The following NCALD variants were observed in gnomAD, a reference collection of about 807,000 sequenced individuals.
The protein encoded by NCALD is neurocalcin delta.
A neutral mutation model predicts 18.6 loss-of-function variants in NCALD; 10 were observed. The observed-to-expected ratio is 0.54, with a 90% CI of 0.33 to 0.91. The LOEUF (loss-of-function observed/expected upper bound fraction) is 0.91. NCALD is among the 40% of genes least tolerant of loss of function. NCALD has a pLI of 0.03. For missense variants in NCALD, 184 were observed against 247.6 expected, an observed-to-expected ratio of 0.74 and a Z score of 1.72; for synonymous variants, 88 against 87.4, an observed-to-expected ratio of 1.01 and a Z score of -0.04.
intron 1 of NCALD, among the ~76,000 whole-genome samples, chr8:101,776,578 C>A (rs1031871209): frequency 2.0e-5 from 3 of 152,052 alleles, no homozygotes; most frequent in Non-Finnish European, 4.4e-5. Flanking sequence ...CCAAACATCA[C>A]AACAAGCAGC....
In NCALD at chr8:101,688,081, G is replaced by T. The variant is rs1000290992; in HGVS notation, c.*1228C>A. ...AACCATGCACATAGATTAAACCACT[G>T]GGAAGTTCCAAGAATGTATGTGATG... On this transcript the variant is annotated 3_prime_UTR_variant, in exon 4 of 4. Coordinates refer to ENST00000220931, the MANE Select transcript of NCALD (RefSeq NM_032041.3). 1.3e-5 allele frequency: 2 copies of T among 152,394 alleles called. No individual in the cohort carries two copies. Among genetic ancestry groups the T allele is most frequent in the African/African-American group, 4.8e-5 (2 of 41,430 alleles). 9.4% of individuals were successfully genotyped at this position (152,394 alleles called of 1,614,324 possible).
intron 2 of NCALD, among the ~76,000 whole-genome samples, chr8:101,957,289 G>GTT (rs11305701): frequency 0.051 from 5,045 of 99,384 alleles, 199 homozygotes; most frequent in African/African-American, 0.093. Context: ...AAAAGTTGGG[G>GTT]TTTTTTTTTT....
intron 2 of NCALD, among the ~76,000 whole-genome samples, chr8:101,920,099 A>G (rs775414481): frequency 1.3e-5 from 2 of 152,124 alleles, no homozygotes; most frequent in Non-Finnish European, 2.9e-5. Context: ...TCTACAAAAA[A>G]TACAAAAATT....
intron 1 of NCALD, among the ~76,000 whole-genome samples, chr8:102,053,955 C>T (rs1005199501): frequency 2.0e-5 from 3 of 152,084 alleles, no homozygotes; most frequent in Non-Finnish European, 2.9e-5. Flanking sequence ...TTCTTTCTAA[C>T]GTAGTAGAAT....
At chr8:101,816,069 A>G (rs1456885169) in intron 4 of NCALD, among the ~76,000 whole-genome samples, 1 of 152,216 alleles carries the variant, frequency 6.6e-6, no homozygotes, top group Non-Finnish European at 1.5e-5. Context: ...GATTCCAACT[A>G]TAAGACGTTA....
At chr8:102,078,782 T>A (rs1337448303) in intron 1 of NCALD, among the ~76,000 whole-genome samples, 1 of 152,238 alleles carries the variant, frequency 6.6e-6, no homozygotes, top group African/African-American at 2.4e-5. Context: ...ATTACCTTAT[T>A]ACCTTATTTT....
At chr8:102,071,526 A>T (rs1824177957) in intron 1 of NCALD, among the ~76,000 whole-genome samples, 1 of 152,248 alleles carries the variant, frequency 6.6e-6, no homozygotes, top group African/African-American at 2.4e-5. Context: ...TAAAAAATGA[A>T]ATAAAAGGCA....
chr8:102,005,584 T>G (rs1821669542), intron 2 of NCALD, among the ~76,000 whole-genome samples: 2 of 152,184 alleles, frequency 1.3e-5, no homozygotes, highest in Admixed American at 6.5e-5. Flanking sequence ...ACACGTATGT[T>G]TATTGCGGCA....
At chr8:102,114,780 T>G (rs1825736467) in intron 1 of NCALD, among the ~76,000 whole-genome samples, 3 of 152,126 alleles carry the variant, frequency 2.0e-5, no homozygotes, top group Admixed American at 1.3e-4. Context: ...AAAGATCACC[T>G]CTTGGGGCAC....
intron 4 of NCALD, among the ~76,000 whole-genome samples, chr8:101,886,966 A>G (rs1041075299): frequency 1.3e-5 from 2 of 152,214 alleles, no homozygotes; most frequent in South Asian, 2.1e-4. Context: ...TTTCAGTAAC[A>G]TACACATTCA....
chr8:102,049,317 T>C (rs1463617967), intron 1 of NCALD, among the ~76,000 whole-genome samples: 1 of 152,230 alleles, frequency 6.6e-6, no homozygotes, highest in Non-Finnish European at 1.5e-5. Flanking sequence ...CCCATGGATA[T>C]CGAGGGACAG....
At chr8:101,730,350 C>T (rs973672366) in intron 1 of NCALD, among the ~76,000 whole-genome samples, 10 of 151,796 alleles carry the variant, frequency 6.6e-5, no homozygotes, top group African/African-American at 2.2e-4. Context: ...GGTGGTGGTG[C>T]AAGCCTGTAG....
At chr8:101,870,891 G>GT (rs1815979351) in intron 4 of NCALD, among the ~76,000 whole-genome samples, 1 of 24,300 alleles carries the variant, frequency 4.1e-5, no homozygotes, top group Non-Finnish European at 7.8e-5. Flanking sequence ...CTCTACCACC[G>GT]CCCCCACCCC....
chr8:101,898,255 C>T (rs1817283506), intron 3 of NCALD, among the ~76,000 whole-genome samples: 1 of 152,194 alleles, frequency 6.6e-6, no homozygotes, highest in Non-Finnish European at 1.5e-5. Context: ...GGTGCTATCT[C>T]ATCATGGCAT....
intron 2 of NCALD, among the ~76,000 whole-genome samples, chr8:101,959,401 G>A (rs1819754525): frequency 6.6e-6 from 1 of 152,016 alleles, no homozygotes; most frequent in African/African-American, 2.4e-5. Context: ...GGAGAAACCT[G>A]GCAGACACAC....
intron 2 of NCALD, among the ~76,000 whole-genome samples, chr8:101,925,729 A>C (rs1818314547): frequency 6.6e-6 from 1 of 152,166 alleles, no homozygotes; most frequent in African/African-American, 2.4e-5. Flanking sequence ...ATAGGTGCTC[A>C]ATAAATATGT....
chr8:101,915,326 T>G (rs1817935749), intron 3 of NCALD, among the ~76,000 whole-genome samples: 1 of 152,196 alleles, frequency 6.6e-6, no homozygotes, highest in South Asian at 2.1e-4. Flanking sequence ...ATTGATGAAT[T>G]AATTCACCCA....
intron 4 of NCALD, among the ~76,000 whole-genome samples, chr8:101,871,219 C>T (rs1816003969): frequency 6.6e-6 from 1 of 152,124 alleles, no homozygotes; most frequent in African/African-American, 2.4e-5. Context: ...TGGACCATAC[C>T]TAGTTTCCTC....
At chr8:101,796,727 G>A (rs529212763) in intron 4 of NCALD, among the ~76,000 whole-genome samples, 2 of 152,112 alleles carry the variant, frequency 1.3e-5, no homozygotes, top group South Asian at 4.2e-4. Context: ...GAGAAAAGGA[G>A]CATAAAGAAT....
Sources: allele counts gnomAD v4.1 joint callset (sites outside exome capture counted in the v4.1 genomes callset), GRCh38; gene constraint gnomAD v4.1.1; transcripts MANE v1.5; gene names NCBI Gene and HGNC (gene_info 2026-07-23, HGNC 2026-07-21).